CERS3: variants seen among roughly 807,000 people sequenced by gnomAD.
CERS3 encodes the protein ceramide synthase 3.
CERS3 carries 33 observed loss-of-function variants against 50.3 expected under a neutral mutation model. The observed-to-expected ratio is 0.66, with a 90% CI of 0.50 to 0.88. The LOEUF (loss-of-function observed/expected upper bound fraction) is 0.88. Ranked by LOEUF, CERS3 falls within the 40% of genes least tolerant of loss-of-function variation. The pLI, the probability that CERS3 is intolerant of heterozygous loss-of-function variation, is 0.00. For missense variants in CERS3, 470 were observed against 460.3 expected, an observed-to-expected ratio of 1.02 and a Z score of -0.19; for synonymous variants, 176 against 155.2, an observed-to-expected ratio of 1.13 and a Z score of -0.99.
At chr15:100,435,624 G>A (rs1331766379) in intron 11 of CERS3, among the ~76,000 whole-genome samples, 1 of 152,124 alleles carries the variant, frequency 6.6e-6, no homozygotes, top group Non-Finnish European at 1.5e-5. Context: ...TTGACAAATG[G>A]GATCTAATTA....
At chr15:100,478,847 T>G (rs1004560465) in intron 7 of CERS3, among the ~76,000 whole-genome samples, 24 of 152,070 alleles carry the variant, frequency 1.6e-4, no homozygotes, top group African/African-American at 5.1e-4. Flanking sequence ...CATGGAAATA[T>G]AGGAAGCAAG....
At chr15:100,490,720 CTAGAA>C (rs1323748879) in intron 4 of CERS3, 92 bp downstream of exon 4, 3 of 738,278 alleles carry the variant, frequency 4.1e-6, no homozygotes, top group African/African-American at 1.8e-5. Flanking sequence ...TGCTGGTCAA[CTAGAA>C]TAGATTTCTT....
intron 11 of CERS3, among the ~76,000 whole-genome samples, chr15:100,426,358 T>C (rs1373313161): frequency 6.6e-6 from 1 of 152,182 alleles, no homozygotes; most frequent in Admixed American, 6.5e-5. Context: ...AAGCTACACA[T>C]TTATATATCA....
intron 2 of CERS3, among the ~76,000 whole-genome samples, 167 bp from the exon 3 acceptor site, chr15:100,502,017 C>T (rs999286534): frequency 1.1e-4 from 17 of 150,986 alleles, no homozygotes; most frequent in East Asian, 1.9e-4. Flanking sequence ...GAGACCAAGG[C>T]GGGCGGATCA....
chr15:100,504,608 T>C (rs1050498274), intron 2 of CERS3, among the ~76,000 whole-genome samples: 3 of 152,140 alleles, frequency 2.0e-5, no homozygotes, highest in Non-Finnish European at 4.4e-5. Context: ...TTTATACCAT[T>C]GCGAAGTTGT....
chr15:100,469,518 C>A (rs369236054), intron 9 of CERS3, 34 bp from the exon 10 acceptor site: 393 of 1,370,460 alleles, frequency 2.9e-4, no homozygotes, highest in Non-Finnish European at 4.0e-4. Context: ...GATAAAGTGA[C>A]AATAGCCTAC....
At chr15:100,408,825 G>GTTACTACAT (rs2031255605) in intron 11 of CERS3, 3 of 152,320 alleles carry the variant, frequency 2.0e-5, no homozygotes, top group Admixed American at 2.0e-4. Flanking sequence ...CCATGTGGCA[G>GTTACTACAT]GCTCGGGACT....
At chr15:100,476,243 T>G (rs1244873916) in intron 7 of CERS3, 65 bp from the exon 8 acceptor site, 2 of 969,906 alleles carry the variant, frequency 2.1e-6, no homozygotes, top group African/African-American at 3.5e-5. Flanking sequence ...TTTAATGCAC[T>G]AAAACCTCCT....
intron 11 of CERS3, among the ~76,000 whole-genome samples, chr15:100,446,743 A>C (rs2033958626): frequency 6.6e-6 from 1 of 151,848 alleles, no homozygotes; most frequent in African/African-American, 2.4e-5. Context: ...AAAATTCTAA[A>C]CCCCCAACTG....
At chr15:100,407,276 C>T (rs1055226547) in intron 11 of CERS3, among the ~76,000 whole-genome samples, 7 of 152,238 alleles carry the variant, frequency 4.6e-5, no homozygotes, top group Admixed American at 1.3e-4. Context: ...GAGGGCGCCA[C>T]CCCATCTGCT....
chr15:100,481,981 G>A (rs978838957), intron 5 of CERS3, among the ~76,000 whole-genome samples: 25 of 152,152 alleles, frequency 1.6e-4, no homozygotes, highest in Non-Finnish European at 3.4e-4. Flanking sequence ...GATGAAACGT[G>A]CGCTTGTGTA....
At chr15:100,494,419 T>C (rs1371252027) in intron 3 of CERS3, among the ~76,000 whole-genome samples, 1 of 151,572 alleles carries the variant, frequency 6.6e-6, no homozygotes, top group Non-Finnish European at 1.5e-5. Flanking sequence ...AGCTAATTTT[T>C]TTTATTTTTA....
intron 1 of CERS3, among the ~76,000 whole-genome samples, chr15:100,525,406 TA>T (rs1379972398): frequency 6.6e-6 from 1 of 152,250 alleles, no homozygotes; most frequent in African/African-American, 2.4e-5. Context: ...GAAGAAATTT[TA>T]AATTCTCATA....
chr15:100,416,025 A>G (rs1453806442), intron 11 of CERS3, among the ~76,000 whole-genome samples: 1 of 152,220 alleles, frequency 6.6e-6, no homozygotes, highest in African/African-American at 2.4e-5. Flanking sequence ...ATATTCATGG[A>G]TAGGAAAAGT....
intron 4 of CERS3, among the ~76,000 whole-genome samples, chr15:100,489,445 A>G (rs1307156903): frequency 1.3e-5 from 2 of 152,222 alleles, no homozygotes; most frequent in African/African-American, 2.4e-5. Context: ...GAAGCTTGGT[A>G]AGGACCAAAT....
At chr15:100,518,706 G>A (rs1274265389) in intron 2 of CERS3, among the ~76,000 whole-genome samples, 6 of 152,164 alleles carry the variant, frequency 3.9e-5, no homozygotes, top group Admixed American at 1.3e-4. Flanking sequence ...TTCCTAGCTC[G>A]ACACCACACC....
intron 10 of CERS3, among the ~76,000 whole-genome samples, chr15:100,457,909 G>A (rs1348229232): frequency 6.6e-6 from 1 of 152,064 alleles, no homozygotes; most frequent in Non-Finnish European, 1.5e-5. Flanking sequence ...TTAAATCAAA[G>A]ACATTTTATG....
intron 11 of CERS3, among the ~76,000 whole-genome samples, chr15:100,414,986 G>C (rs896317502): frequency 3.3e-5 from 5 of 152,064 alleles, no homozygotes; most frequent in Admixed American, 6.5e-5. Flanking sequence ...ACTATAACGA[G>C]AGTTAACAGG....
chr15:100,504,312 C>T (rs563978458), intron 2 of CERS3, among the ~76,000 whole-genome samples: 10 of 146,306 alleles, frequency 6.8e-5, no homozygotes, highest in African/African-American at 1.8e-4. Context: ...GGCGTGATCT[C>T]GGCTCACTGA....
Sources: gnomAD v4.1 joint callset for allele counts (sites outside exome capture counted in the v4.1 genomes callset) on GRCh38, gnomAD v4.1.1 for gene constraint, MANE v1.5 for transcripts, NCBI Gene and HGNC (gene_info 2026-07-23, HGNC 2026-07-21) for gene names.